CDK17: variants seen among roughly 807,000 people sequenced by gnomAD.
The protein encoded by CDK17 is cyclin dependent kinase 17.
CDK17 carries 24 observed loss-of-function variants against 77.6 expected under a neutral mutation model. The observed-to-expected ratio is 0.31, with a 90% CI of 0.22 to 0.44. The LOEUF is 0.44. Among genes scored for constraint, CDK17 ranks in the 20% least tolerant of loss-of-function variants. The pLI is 1.00. For missense variants in CDK17, 429 were observed against 622.5 expected, an observed-to-expected ratio of 0.69 and a Z score of 3.31; for synonymous variants, 203 against 210.4, an observed-to-expected ratio of 0.96 and a Z score of 0.30.
chr12:96,367,933 A>G (rs1407979647), intron 1 of CDK17, among the ~76,000 whole-genome samples: 1 of 152,158 alleles, frequency 6.6e-6, no homozygotes, highest in African/African-American at 2.4e-5. Flanking sequence ...TTACCAAAAG[A>G]AAGCATGCAT....
At chr12:96,377,905 G>C (rs900647365) in intron 1 of CDK17, among the ~76,000 whole-genome samples, 1 of 152,134 alleles carries the variant, frequency 6.6e-6, no homozygotes, top group African/African-American at 2.4e-5. Flanking sequence ...GTGTTAGCCA[G>C]GATGGTCTTG....
intron 10 of CDK17, among the ~76,000 whole-genome samples, chr12:96,294,358 G>A (rs1952369480): frequency 6.6e-6 from 1 of 151,952 alleles, no homozygotes; most frequent in Non-Finnish European, 1.5e-5. Flanking sequence ...TTGGGAGGCC[G>A]AGGCGAGTGG....
intron 5 of CDK17, among the ~76,000 whole-genome samples, chr12:96,307,701 T>C (rs957823962): frequency 5.3e-5 from 8 of 151,924 alleles, no homozygotes; most frequent in Admixed American, 3.9e-4. Context: ...CAAAACCCCA[T>C]CTCTACTAAA....
chr12:96,340,940 A>G (rs1484373024), intron 1 of CDK17, among the ~76,000 whole-genome samples: 1 of 152,152 alleles, frequency 6.6e-6, no homozygotes, highest in Non-Finnish European at 1.5e-5. Context: ...TTCTGTCACC[A>G]AAGTAGTACG....
At chr12:96,340,394 C>G (rs765654889) in intron 1 of CDK17, among the ~76,000 whole-genome samples, 1 of 152,018 alleles carries the variant, frequency 6.6e-6, no homozygotes, top group Non-Finnish European at 1.5e-5. Flanking sequence ...AAAGCTAAAC[C>G]TTACTATAAA....
At chr12:96,305,463 A>AT (rs1397933877) in intron 5 of CDK17, among the ~76,000 whole-genome samples, 27 of 152,070 alleles carry the variant, frequency 1.8e-4, no homozygotes, top group Admixed American at 1.8e-3. Context: ...AATTTTTGTA[A>AT]TTTTTTCTGT....
intron 1 of CDK17, among the ~76,000 whole-genome samples, chr12:96,340,094 T>TAAA (rs1953102375): frequency 6.6e-6 from 1 of 151,938 alleles, no homozygotes; most frequent in Admixed American, 6.6e-5. Context: ...TGGACAATGC[T>TAAA]GACATAGAGC....
intron 1 of CDK17, among the ~76,000 whole-genome samples, chr12:96,345,899 C>G (rs1157038342): frequency 6.6e-6 from 1 of 152,134 alleles, no homozygotes; most frequent in Admixed American, 6.6e-5. Context: ...ATAAGACATA[C>G]AGAAAACAAT....
chr12:96,301,095 C>T (rs1952493266), intron 5 of CDK17, among the ~76,000 whole-genome samples: 1 of 151,978 alleles, frequency 6.6e-6, no homozygotes, highest in South Asian at 2.1e-4. Flanking sequence ...CTGCAAACAA[C>T]AAAATACTAT....
chr12:96,396,877 A>G (rs563035351), intron 1 of CDK17, among the ~76,000 whole-genome samples: 40 of 152,352 alleles, frequency 2.6e-4, no homozygotes, highest in African/African-American at 9.6e-4. Context: ...AGGAAACATC[A>G]ATAAAGATTC....
chr12:96,362,377 C>T (rs1378074139), intron 1 of CDK17, among the ~76,000 whole-genome samples: 2 of 152,148 alleles, frequency 1.3e-5, no homozygotes, highest in Non-Finnish European at 2.9e-5. Flanking sequence ...CACCACCATG[C>T]CTGGCTAATT....
At chr12:96,352,451 G>A (rs146193660) in intron 1 of CDK17, among the ~76,000 whole-genome samples, 3 of 152,118 alleles carry the variant, frequency 2.0e-5, no homozygotes, top group South Asian at 2.1e-4. Context: ...GTGAAACAGA[G>A]AGGGATCTCC....
At chr12:96,288,417 T>C (rs529114688) in intron 11 of CDK17, among the ~76,000 whole-genome samples, 1 of 152,200 alleles carries the variant, frequency 6.6e-6, no homozygotes, top group African/African-American at 2.4e-5. Context: ...TGAGCCCAAG[T>C]TAGAGCACCG....
chr12:96,322,306 A>G (rs1226532046), intron 3 of CDK17, among the ~76,000 whole-genome samples: 53 of 152,358 alleles, frequency 3.5e-4, no homozygotes, highest in Non-Finnish European at 5.9e-5. Context: ...AATCTGCGTT[A>G]CTAACATTTT....
At position 96,311,245 on chromosome 12, in the gene CDK17, C is replaced by G. The variant is rs984282722; in HGVS notation, c.418-68G>C. On this transcript the variant is annotated intron_variant, in intron 4 of 16. Coordinates refer to ENST00000261211, the MANE Select transcript of CDK17 (RefSeq NM_002595.5). Reference sequence around the variant, plus strand: ...CATTTGGCTTTTGTATTCACAGGCTCTAACATATTATTTCTTAGTGATAAG... The same window carrying G: ...CATTTGGCTTTTGTATTCACAGGCTGTAACATATTATTTCTTAGTGATAAG... 2.3e-6 allele frequency: 3 copies of G among 1,276,994 alleles called. No homozygotes were observed. The African/African-American group carries it at 4.7e-5, about 20-fold the overall frequency. The allele number at this position is 1,276,994 out of a possible 1,614,324, so 79.1% of individuals were successfully genotyped here.
chr12:96,327,023 C>T (rs1188116403), intron 2 of CDK17, among the ~76,000 whole-genome samples: 3 of 152,148 alleles, frequency 2.0e-5, no homozygotes, highest in African/African-American at 7.2e-5. Flanking sequence ...GGGAAGACTA[C>T]AAAAGGTAAC....
chr12:96,333,009 A>C (rs1292659959), intron 2 of CDK17, among the ~76,000 whole-genome samples: 1 of 152,168 alleles, frequency 6.6e-6, no homozygotes, highest in Admixed American at 6.5e-5. Flanking sequence ...GTAGTCAAAT[A>C]CTAAAAATAT....
intron 1 of CDK17, among the ~76,000 whole-genome samples, chr12:96,346,561 C>T (rs915737115): frequency 6.6e-6 from 1 of 151,568 alleles, no homozygotes; most frequent in Non-Finnish European, 1.5e-5. Context: ...CCGAGAAGCG[C>T]AGCTTGCAGT....
chr12:96,301,118 T>A (rs1459697752), intron 5 of CDK17, among the ~76,000 whole-genome samples: 1 of 151,944 alleles, frequency 6.6e-6, no homozygotes, highest in Non-Finnish European at 1.5e-5. Flanking sequence ...GTTTCAGGCT[T>A]TCCAATCAAA....
Sources: gnomAD v4.1 joint callset for allele counts (sites outside exome capture counted in the v4.1 genomes callset) on GRCh38, gnomAD v4.1.1 for gene constraint, MANE v1.5 for transcripts, NCBI Gene and HGNC (gene_info 2026-07-23, HGNC 2026-07-21) for gene names.